VGLL4: variants seen among roughly 807,000 people sequenced by gnomAD.
VGLL4 encodes vestigial like family member 4.
Under a neutral mutation model 21.0 loss-of-function variants are expected in VGLL4, and 7 were observed. The ratio of observed to expected loss-of-function variants is 0.33; its 90% CI spans 0.19 to 0.63. The LOEUF (loss-of-function observed/expected upper bound fraction) is 0.63. Among genes scored for constraint, VGLL4 ranks in the 20% least tolerant of loss-of-function variants. VGLL4 has a pLI of 0.78. For synonymous variants in VGLL4, 222 were observed against 173.2 expected (o/e 1.28, Z -2.21); for missense variants, 394 against 425.7 (o/e 0.93, Z 0.66).
At chr3:11,693,887 T>G (rs2076567882) in intron 2 of VGLL4, among the ~76,000 whole-genome samples, 1 of 151,566 alleles carries the variant, frequency 6.6e-6, no homozygotes, top group South Asian at 2.1e-4. Context: ...TATAGAGGAG[T>G]TTTATTTTGT....
At chr3:11,574,827 G>GTA (rs2073986560) in intron 2 of VGLL4, among the ~76,000 whole-genome samples, 2 of 141,036 alleles carry the variant, frequency 1.4e-5, no homozygotes, top group Non-Finnish European at 3.0e-5. Context: ...GTGTGTGTGT[G>GTA]TGTGTGTGTG....
At chr3:11,602,102 C>T (rs148995584) in intron 1 of VGLL4, 80 bp from the exon 2 acceptor site, 25,285 of 1,345,930 alleles carry the variant, frequency 0.019, 283 homozygotes, top group Middle Eastern at 0.023. Context: ...GCCCGCCCAG[C>T]CAGCCCCTTA....
chr3:11,580,499 G>A (rs1197385618), intron 2 of VGLL4, among the ~76,000 whole-genome samples: 2 of 152,140 alleles, frequency 1.3e-5, no homozygotes, highest in African/African-American at 2.4e-5. Context: ...CAGTTATTTC[G>A]TGTGTATACC....
intron 2 of VGLL4, among the ~76,000 whole-genome samples, chr3:11,594,928 G>A (rs1253176391): frequency 1.3e-5 from 2 of 152,226 alleles, no homozygotes; most frequent in Non-Finnish European, 2.9e-5. Context: ...TTGGGAGGCC[G>A]AGGCGGGCGG....
At chr3:11,661,434 CTTTT>C (rs1289610397) in intron 2 of VGLL4, among the ~76,000 whole-genome samples, 3 of 97,364 alleles carry the variant, frequency 3.1e-5, no homozygotes, top group Non-Finnish European at 4.7e-5. Context: ...AACATTTTTC[CTTTT>C]ATTTATTTAT....
intron 2 of VGLL4, among the ~76,000 whole-genome samples, chr3:11,577,145 C>T (rs1038118149): frequency 6.6e-6 from 1 of 152,168 alleles, no homozygotes; most frequent in Non-Finnish European, 1.5e-5. Context: ...CCCTGGCCAG[C>T]GCCAACCCCC....
At chr3:11,572,600 TGTC>T (rs752465515) in intron 2 of VGLL4, among the ~76,000 whole-genome samples, 1 of 152,194 alleles carries the variant, frequency 6.6e-6, no homozygotes, top group Non-Finnish European at 1.5e-5. Flanking sequence ...GCTACCTGAC[TGTC>T]GTCCTCTTGC....
intron 1 of VGLL4, among the ~76,000 whole-genome samples, chr3:11,708,985 C>T (rs1024004206): frequency 1.3e-5 from 2 of 151,670 alleles, no homozygotes; most frequent in South Asian, 2.1e-4. Flanking sequence ...TGCTTGAACC[C>T]GGGAGACGGG....
intron 2 of VGLL4, among the ~76,000 whole-genome samples, chr3:11,688,581 A>C (rs2076483334): frequency 6.6e-6 from 1 of 152,142 alleles, no homozygotes; most frequent in South Asian, 2.1e-4. Context: ...TGTTTCATAT[A>C]TGTTCTATAA....
At chr3:11,599,397 G>A (rs2074727189) in intron 2 of VGLL4, among the ~76,000 whole-genome samples, 1 of 150,498 alleles carries the variant, frequency 6.6e-6, no homozygotes, top group South Asian at 2.1e-4. Context: ...GCATAATAAT[G>A]TCAATTGTGA....
intron 2 of VGLL4, among the ~76,000 whole-genome samples, chr3:11,677,428 C>A (rs2076307529): frequency 6.6e-6 from 1 of 152,012 alleles, no homozygotes; most frequent in East Asian, 1.9e-4. Flanking sequence ...TGCCACCACA[C>A]CCAGCTAATT....
At chr3:11,658,493 C>T (rs983487569) in intron 2 of VGLL4, among the ~76,000 whole-genome samples, 2 of 151,748 alleles carry the variant, frequency 1.3e-5, no homozygotes, top group Non-Finnish European at 2.9e-5. Context: ...TAACCAAACA[C>T]AGGGCCTGAC....
intron 2 of VGLL4, among the ~76,000 whole-genome samples, chr3:11,684,093 C>T (rs966975471): frequency 1.3e-5 from 2 of 151,964 alleles, no homozygotes; most frequent in Non-Finnish European, 1.5e-5. Context: ...TACCTGTAGT[C>T]CCAGCTACTT....
intron 1 of VGLL4, among the ~76,000 whole-genome samples, chr3:11,711,268 G>C (rs1396995317): frequency 6.6e-6 from 1 of 151,832 alleles, no homozygotes; most frequent in African/African-American, 2.4e-5. Flanking sequence ...GGCCAGTCGT[G>C]GTGGTTCACC....
chr3:11,604,343 A>G, intron 1 of VGLL4: 1 of 919,532 alleles, frequency 1.1e-6, no homozygotes, highest in Non-Finnish European at 1.3e-6. Context: ...TCCAGTTAAC[A>G]GGTTAGCTGG....
At chr3:11,583,457 A>G (rs966362713) in intron 2 of VGLL4, among the ~76,000 whole-genome samples, 20 of 152,204 alleles carry the variant, frequency 1.3e-4, no homozygotes, top group African/African-American at 4.3e-4. Flanking sequence ...TAAATGGTAC[A>G]TCTGTCAAGC....
intron 3 of VGLL4, among the ~76,000 whole-genome samples, chr3:11,564,412 C>CCG (rs374984641): frequency 1.3e-5 from 2 of 151,690 alleles, no homozygotes; most frequent in Admixed American, 1.3e-4. Flanking sequence ...AGGACCCCCC[C>CCG]ACCCGAGGAT....
chr3:11,629,746 CAAAAAAAAA>C (rs10609918), intron 1 of VGLL4, among the ~76,000 whole-genome samples: 1 of 85,364 alleles, frequency 1.2e-5, no homozygotes, highest in Non-Finnish European at 2.3e-5. Flanking sequence ...AGACGGGTCT[CAAAAAAAAA>C]AAAAAAAAAA....
chr3:11,624,411 G>A (rs560440089), intron 1 of VGLL4, among the ~76,000 whole-genome samples: 43 of 152,302 alleles, frequency 2.8e-4, no homozygotes, highest in Non-Finnish European at 4.7e-4. Context: ...ACGAGTTTCA[G>A]AAAGCAAGAT....
Sources: gnomAD v4.1 joint callset for allele counts (sites outside exome capture counted in the v4.1 genomes callset) on GRCh38, gnomAD v4.1.1 for gene constraint, MANE v1.5 for transcripts, NCBI Gene and HGNC (gene_info 2026-07-23, HGNC 2026-07-21) for gene names.